The following CBR1 variants were observed in gnomAD, a reference collection of about 807,000 sequenced individuals.
CBR1 encodes carbonyl reductase [NADPH] 1.
In CBR1, 11 loss-of-function variants were observed where a neutral mutation model predicts 10.6. The observed-to-expected ratio is 1.03, with a 90% CI of 0.65 to 1.71. The LOEUF is 1.71. Among genes scored for constraint, CBR1 ranks in the 40% most tolerant of loss-of-function variants. The pLI is 0.00. For synonymous variants in CBR1, 158 were observed against 156.7 expected, an observed-to-expected ratio of 1.01 and a Z score of -0.06; for missense variants, 361 against 368.6, an observed-to-expected ratio of 0.98 and a Z score of 0.17.
At position 36,072,652 on chromosome 21, in the gene CBR1, A is replaced by G. The variant is rs2065361441; in HGVS notation, c.604A>G (p.Thr202Ala). The G allele has an allele frequency of 8.7e-6, 14 of 1,612,870 alleles. No homozygotes were observed. Among genetic ancestry groups the G allele is most frequent in the Non-Finnish European group, 1.2e-5 (14 of 1,179,370 alleles). The change falls in exon 3 of 3, where the codon ACC (threonine) becomes GCC (alanine). Residue 202 changes from threonine to alanine, a missense_variant. Transcript: ENST00000290349. ...ATACGGGGTGACGAAGATTGGCGTC[A>G]CCGTTCTGTCCAGGATCCACGCCAG... ...SAYGVTKIGVTVLSRIHARKL... is the reference protein window; with the variant it reads ...SAYGVTKIGVAVLSRIHARKL...
rs946146136 is a variant in CBR1, at chr21:36,072,440, T to A, written c.398-6T>A. The A allele has an allele frequency of 1.9e-6, 3 of 1,613,994 alleles. No homozygotes were observed. Among genetic ancestry groups the A allele is most frequent in the Non-Finnish European group, 2.5e-6 (3 of 1,180,012 alleles). ...TTTCTACATAATGCTTTGTGGTGTATCTTAGGGAGAGTGGTGAACGTATCT... is the reference window on the plus strand; with the variant it reads ...TTTCTACATAATGCTTTGTGGTGTAACTTAGGGAGAGTGGTGAACGTATCT... On this transcript the variant is annotated splice_polypyrimidine_tract_variant and splice_region_variant and intron_variant, in intron 2 of 2. Coordinates refer to ENST00000290349, the MANE Select transcript of CBR1 (RefSeq NM_001757.4).
At chr21:36,072,160 G>A (rs1448179907) in intron 2 of CBR1, 1 of 1,547,090 alleles carries the variant, frequency 6.5e-7, no homozygotes, top group African/African-American at 1.4e-5. Flanking sequence ...TCCCTGTCCT[G>A]TCGTCCTGTT....
chr21:36,071,770 C>A, intron 2 of CBR1: 1 of 1,386,776 alleles, frequency 7.2e-7, no homozygotes, highest in South Asian at 1.2e-5. Context: ...CAAACCCTCA[C>A]AAGGCACCTC....
At chr21:36,070,731 T>C (rs1305375988) in intron 1 of CBR1, among the ~76,000 whole-genome samples, 2 of 152,144 alleles carry the variant, frequency 1.3e-5, no homozygotes, top group Non-Finnish European at 2.9e-5. Flanking sequence ...GTGTGCACCC[T>C]TCATCCTCCT....
At chr21:36,071,981 ATGTCTTTGGTTGTAAAC>A in intron 2 of CBR1, 1 of 1,535,276 alleles carries the variant, frequency 6.5e-7, no homozygotes, top group Non-Finnish European at 8.7e-7. Flanking sequence ...TGACTATCAC[ATGTCTTTGGTTGTAAAC>A]TGCTGTGATA....
chr21:36,072,147 G>C (rs1209612478), intron 2 of CBR1: 2 of 1,541,044 alleles, frequency 1.3e-6, no homozygotes, highest in Admixed American at 4.0e-5. Context: ...CTTTTATCCT[G>C]TTTCCCTGTC....
chr21:36,071,768 C>A, intron 2 of CBR1: 1 of 1,376,682 alleles, frequency 7.3e-7, no homozygotes, highest in South Asian at 1.2e-5. Context: ...TGCAAACCCT[C>A]ACAAGGCACC....
At chr21:36,072,301 T>C (rs771751330) in intron 2 of CBR1, 145 bp from the exon 3 acceptor site, 3 of 1,559,516 alleles carry the variant, frequency 1.9e-6, no homozygotes, top group Non-Finnish European at 2.6e-6. Flanking sequence ...CACCACACTT[T>C]CTATGCGTAT....
In CBR1 at chr21:36,072,672, C is replaced by A. The variant is rs145472382; in HGVS notation, c.624C>A (p.His208Gln). 1 of 1,613,844 alleles carries A rather than the reference C, an allele frequency of 6.2e-7. No individual in the cohort carries two copies. The highest frequency in any genetic ancestry group is 8.5e-7 in the Non-Finnish European group (1 of 1,179,970). The change falls in exon 3 of 3, where the codon CAC (histidine) becomes CAA (glutamine). Residue 208 changes from histidine (H) to glutamine (Q), a missense_variant. Coordinates refer to ENST00000290349, the MANE Select transcript of CBR1 (RefSeq NM_001757.4). Reference sequence around the variant, plus strand: ...GCGTCACCGTTCTGTCCAGGATCCACGCCAGGAAACTGAGTGAGCAGAGGA... The same window carrying A: ...GCGTCACCGTTCTGTCCAGGATCCAAGCCAGGAAACTGAGTGAGCAGAGGA... ...KIGVTVLSRI[H>Q]ARKLSEQRKG...
chr21:36,070,095 T>C lies in CBR1; in HGVS notation c.-21T>C. ...GCCAGGTCTGTTCTCCACGCAGGTG[T>C]TCCGCGCGCCCCGTTCAGCCATGTC... is the stretch of plus-strand genomic sequence containing the variant. On this transcript the variant is annotated 5_prime_UTR_variant, in exon 1 of 3. Transcript: ENST00000290349. 4 of 1,481,114 alleles carry C rather than the reference T, an allele frequency of 2.7e-6. No individual in the cohort carries two copies. Among genetic ancestry groups the C allele is most frequent in the Non-Finnish European group, 3.6e-6 (4 of 1,111,998 alleles). 91.7% of individuals were successfully genotyped at this position (1,481,114 alleles called of 1,614,324 possible).
In CBR1 at chr21:36,072,488, T is replaced by C; in HGVS notation, c.440T>C (p.Leu147Pro). The C allele has an allele frequency of 6.2e-7, 1 of 1,613,614 alleles. No homozygotes were observed. The highest frequency in any genetic ancestry group is 8.5e-7 in the Non-Finnish European group (1 of 1,179,768). Residue 147 changes from leucine (L) to proline (P), a missense_variant, in exon 3 of 3, where the codon CTT (leucine) becomes CCT (proline). Transcript: ENST00000290349. ...NVSSIMSVRA[L>P]KSCSPELQQK... is the part of the protein sequence containing the mutation. Reference sequence around the variant, plus strand: ...TCTAGCATCATGAGCGTCAGAGCCCTTAAAAGCTGCAGCCCAGAGCTGCAG... The same window carrying C: ...TCTAGCATCATGAGCGTCAGAGCCCCTAAAAGCTGCAGCCCAGAGCTGCAG...
Position 36,071,876 on chromosome 21 carries a change from G to T in CBR1, c.398-570G>T, listed in dbSNP as rs764687472. 4 of 1,536,106 alleles carry T rather than the reference G, an allele frequency of 2.6e-6. No individual in the cohort carries two copies. The South Asian group carries it at 4.8e-5, about 18-fold the overall frequency. On this transcript the variant is annotated intron_variant, in intron 2 of 2. Transcript: ENST00000290349. The stretch of plus-strand genomic sequence containing the variant: ...AAAATCCTTCAGGAGGAAAGTCCAA[G>T]CCCTTAGCATGGTTCACAGAGATGT...
chr21:36,071,276 T>G, intron 2 of CBR1: 7 of 680,126 alleles, frequency 1.0e-5, no homozygotes, highest in South Asian at 9.3e-5. Context: ...CGCACTGGTC[T>G]TTGCACACCT....
At chr21:36,070,853 G>GTTTTTGTTTTTTTTTTT (rs1568956922) in intron 1 of CBR1, 97 bp from the exon 2 acceptor site, 5 of 509,448 alleles carry the variant, frequency 9.8e-6, no homozygotes, top group Non-Finnish European at 1.3e-5. Flanking sequence ...AGGGCACTAA[G>GTTTTTGTTTTTTTTTTT]TTTTTTTTTT....
At position 36,070,354 on chromosome 21, in the gene CBR1, A is replaced by G; in HGVS notation, c.239A>G (p.Glu80Gly). 1 of 1,613,058 alleles carries G rather than the reference A, an allele frequency of 6.2e-7. No homozygotes were observed. The highest frequency in any genetic ancestry group is 8.5e-7 in the Non-Finnish European group (1 of 1,179,802). The change falls in exon 1 of 3, where the codon GAG (glutamate) becomes GGG (glycine). Residue 80 changes from glutamate (E) to glycine (G), a missense_variant. Physicochemically the swap from Glu to Gly is moderately conservative, Grantham distance 98. Coordinates refer to ENST00000290349, the MANE Select transcript of CBR1 (RefSeq NM_001757.4). ...IRALRDFLRK[E>G]YGGLDVLVNN... is the part of the protein sequence containing the mutation. ...GCCCTGCGCGACTTCCTGCGCAAGG[A>G]GTACGGGGGCCTGGACGTGCTGGTC... is the stretch of plus-strand genomic sequence containing the variant.
In CBR1 at chr21:36,072,822, C is replaced by G. The variant is rs768953939; in HGVS notation, c.774C>G (p.Pro258=). 6.2e-7 allele frequency: 1 copy of G among 1,613,898 alleles called. No homozygotes were observed. ...CCCCTGTGTACTTGGCCCTTTTGCC[C>G]CCAGATGCTGAGGGTCCCCATGGAC... ...AETPVYLALL[P]PDAEGPHGQF... Residue 258 remains proline (P), a synonymous_variant, in exon 3 of 3, where the codon CCC becomes CCG. Coordinates refer to ENST00000290349, the MANE Select transcript of CBR1 (RefSeq NM_001757.4).
In CBR1 at chr21:36,072,971, A is replaced by G. The variant is rs2065365161; in HGVS notation, c.*89A>G. ...CATTTACAATGTCATAAATATCCTT[A>G]TATAAGAAAAAAAATGATCTCTTAT... On this transcript the variant is annotated 3_prime_UTR_variant, in exon 3 of 3. Coordinates refer to ENST00000290349, the MANE Select transcript of CBR1 (RefSeq NM_001757.4). The G allele has an allele frequency of 1.2e-6, 1 of 854,354 alleles. No individual in the cohort carries two copies. Among genetic ancestry groups the G allele is most frequent in the South Asian group, 1.9e-5 (1 of 53,748 alleles). 52.9% of individuals were successfully genotyped at this position (854,354 alleles called of 1,614,324 possible). A position where few individuals can be genotyped will look rare whatever the true frequency, so the allele number is the denominator to read the frequency against.
chr21:36,071,576 A>G, intron 2 of CBR1: 1 of 573,492 alleles, frequency 1.7e-6, no homozygotes, highest in South Asian at 2.2e-5. Context: ...GAGGATCCCT[A>G]TCCTTTTCCC....
In CBR1 at chr21:36,070,052, C is replaced by T. The variant is rs1196139968; in HGVS notation, c.-64C>T. ...CTCGAGCAGTCTCTGGAACACGCTG[C>T]GGGGCTCCCGGGCCTGAGCCAGGTC... On this transcript the variant is annotated 5_prime_UTR_variant, in exon 1 of 3. Coordinates refer to ENST00000290349, the MANE Select transcript of CBR1 (RefSeq NM_001757.4). 4.2e-6 allele frequency: 6 copies of T among 1,433,412 alleles called. No homozygotes were observed. In the South Asian group the frequency reaches 5.9e-5, roughly 14 times the overall value. 88.8% of individuals were successfully genotyped at this position (1,433,412 alleles called of 1,614,324 possible).
Sources: gnomAD v4.1 joint callset for allele counts (sites outside exome capture counted in the v4.1 genomes callset) on GRCh38, gnomAD v4.1.1 for gene constraint, MANE v1.5 for transcripts, NCBI Gene and HGNC (gene_info 2026-07-23, HGNC 2026-07-21) for gene names.